The following RASEF variants were observed in gnomAD, a reference collection of about 807,000 sequenced individuals.
RASEF encodes ras and EF-hand domain-containing protein.
RASEF carries 68 observed loss-of-function variants against 90.1 expected under a neutral mutation model. The observed-to-expected ratio is 0.75, with a 90% CI of 0.62 to 0.92. RASEF has a LOEUF of 0.92. RASEF is among the 40% of genes least tolerant of loss of function. The pLI is 0.00. For missense variants in RASEF, 949 were observed against 937.2 expected, an observed-to-expected ratio of 1.01 and a Z score of -0.16; for synonymous variants, 331 against 345.2, an observed-to-expected ratio of 0.96 and a Z score of 0.46.
the RASEF span, among the ~76,000 whole-genome samples, chr9:83,085,749 A>G: frequency 6.1e-4 from 93 of 152,170 alleles, no homozygotes; most frequent in African/African-American, 2.2e-3. Flanking sequence ...ATATAGTGAA[A>G]TCCCATCTGT....
At chr9:83,128,540 C>G in the RASEF span, among the ~76,000 whole-genome samples, 1 of 151,824 alleles carries the variant, frequency 6.6e-6, no homozygotes, top group Non-Finnish European at 1.5e-5. Flanking sequence ...AACCCTGGAC[C>G]CAGACACACT....
chr9:83,155,112 A>C, the RASEF span, among the ~76,000 whole-genome samples: 26 of 152,328 alleles, frequency 1.7e-4, no homozygotes, highest in African/African-American at 6.3e-4. Context: ...ATCCAGAGGT[A>C]AACCAGAAAG....
chr9:83,044,980 T>C (rs527519187), intron 1 of RASEF, among the ~76,000 whole-genome samples: 7 of 152,348 alleles, frequency 4.6e-5, no homozygotes, highest in African/African-American at 1.7e-4. Context: ...TCACCGGGAC[T>C]GCAACTTCAA....
At chr9:83,096,094 A>G in the RASEF span, among the ~76,000 whole-genome samples, 135 of 152,316 alleles carry the variant, frequency 8.9e-4, no homozygotes, top group African/African-American at 2.9e-3. Flanking sequence ...TATCTGTAGA[A>G]CAAGAATTGG....
chr9:83,184,427 G>A, the RASEF span, among the ~76,000 whole-genome samples: 3 of 152,240 alleles, frequency 2.0e-5, no homozygotes, highest in South Asian at 4.2e-4. Flanking sequence ...CCCTCTCCAC[G>A]GCTGTGGAGG....
the RASEF span, among the ~76,000 whole-genome samples, chr9:83,189,619 AC>A: frequency 6.6e-6 from 1 of 152,320 alleles, no homozygotes; most frequent in African/African-American, 2.4e-5. Flanking sequence ...AGAGTAACTA[AC>A]AAAAATTGAT....
chr9:83,097,009 C>T, the RASEF span, among the ~76,000 whole-genome samples: 1 of 152,054 alleles, frequency 6.6e-6, no homozygotes, highest in Non-Finnish European at 1.5e-5. Flanking sequence ...ATATGTGCCA[C>T]ATTTTCTTAA....
At chr9:83,167,942 G>T in the RASEF span, among the ~76,000 whole-genome samples, 2,973 of 152,078 alleles carry the variant, frequency 0.02, 99 homozygotes, top group African/African-American at 0.068. Context: ...CTACTTTTTG[G>T]CTAACAAGAA....
At chr9:83,149,600 C>T in the RASEF span, among the ~76,000 whole-genome samples, 6 of 152,102 alleles carry the variant, frequency 3.9e-5, no homozygotes, top group South Asian at 2.1e-4. Flanking sequence ...CTGTGCATGG[C>T]CTGAGAGGCC....
chr9:83,055,827 G>T, intron 1 of RASEF: 1 of 583,922 alleles, frequency 1.7e-6, no homozygotes, highest in South Asian at 2.0e-5. Context: ...ACCCCGAAGG[G>T]TCTATGGCTC....
At chr9:83,162,970 A>C in the RASEF span, among the ~76,000 whole-genome samples, 9 of 152,240 alleles carry the variant, frequency 5.9e-5, no homozygotes, top group Admixed American at 5.9e-4. Flanking sequence ...AATTAGAAGA[A>C]GGGGAAATGT....
intron 6 of RASEF, among the ~76,000 whole-genome samples, chr9:83,009,026 G>A (rs1163162280): frequency 1.4e-5 from 2 of 146,116 alleles, no homozygotes; most frequent in Admixed American, 6.9e-5. Context: ...TGTAGTAAAC[G>A]ATAATATTTC....
chr9:83,086,283 T>G, the RASEF span, among the ~76,000 whole-genome samples: 3 of 152,134 alleles, frequency 2.0e-5, no homozygotes, highest in Non-Finnish European at 2.9e-5. Context: ...ATTCATTTTT[T>G]TTATAAGGAA....
the RASEF span, among the ~76,000 whole-genome samples, chr9:83,175,060 A>T: frequency 3.9e-5 from 6 of 152,136 alleles, no homozygotes; most frequent in Non-Finnish European, 1.5e-5. Flanking sequence ...AGAGCATGTG[A>T]TCCATGAATA....
At chr9:83,142,852 G>C in the RASEF span, among the ~76,000 whole-genome samples, 1 of 152,182 alleles carries the variant, frequency 6.6e-6, no homozygotes, top group South Asian at 2.1e-4. Context: ...TTAGGGTATA[G>C]AAGTCTTTCT....
At chr9:83,069,959 T>A in the RASEF span, among the ~76,000 whole-genome samples, 1 of 152,226 alleles carries the variant, frequency 6.6e-6, no homozygotes, top group Non-Finnish European at 1.5e-5. Flanking sequence ...TCTTCTTTTA[T>A]GAAATGTCTG....
chr9:83,054,572 G>T (rs1183791140), intron 1 of RASEF: 6 of 149,680 alleles, frequency 4.0e-5, no homozygotes, highest in Non-Finnish European at 5.9e-5. Flanking sequence ...ATCCAGCTTT[G>T]TTCTGTTGCT....
intron 3 of RASEF, among the ~76,000 whole-genome samples, chr9:83,017,251 C>T (rs1829357714): frequency 2.0e-5 from 3 of 150,998 alleles, no homozygotes; most frequent in South Asian, 2.1e-4. Context: ...TCTGGGAGGC[C>T]GAGGCGGGTG....
chr9:83,156,758 G>C, the RASEF span, among the ~76,000 whole-genome samples: 2 of 151,812 alleles, frequency 1.3e-5, no homozygotes, highest in Non-Finnish European at 1.5e-5. Context: ...TGATAGTCCT[G>C]GATTGCTCAT....
Sources: gnomAD v4.1 joint callset for allele counts (sites outside exome capture counted in the v4.1 genomes callset) on GRCh38, gnomAD v4.1.1 for gene constraint, MANE v1.5 for transcripts, NCBI Gene and HGNC (gene_info 2026-07-23, HGNC 2026-07-21) for gene names.